The following KIAA1217 variants were observed in gnomAD, a reference collection of about 807,000 sequenced individuals.
The protein encoded by KIAA1217 is sickle tail protein homolog.
A neutral mutation model predicts 163.9 loss-of-function variants in KIAA1217; 88 were observed. The ratio of observed to expected loss-of-function variants is 0.54; its 90% confidence interval spans 0.45 to 0.64. The LOEUF is 0.64. KIAA1217 is among the 30% of genes least tolerant of loss of function. The pLI, the probability that KIAA1217 is intolerant of heterozygous loss-of-function variation, is 0.00. For missense variants in KIAA1217, 2,372 were observed against 2,475.0 expected (o/e 0.96, Z 0.88); for synonymous variants, 903 against 923.1 (o/e 0.98, Z 0.39).
At position 23,695,335 on chromosome 10, in the gene KIAA1217, A is replaced by G. The variant is rs912732111; in HGVS notation, c.-321+101A>G. The G allele has an allele frequency of 2.6e-5, 4 of 152,234 alleles. No homozygotes were observed. The highest frequency in any genetic ancestry group is 5.9e-5 in the Non-Finnish European group (4 of 68,076). The allele number at this position is 152,234 out of a possible 1,614,324, so 9.4% of individuals were successfully genotyped here. The stretch of plus-strand genomic sequence containing the variant: ...GGATAAGGAAACCGAGGGGAGACTT[A>G]CAAGGGAGCCTTGCGCGGGAGAGCA... On this transcript the variant is annotated intron_variant, in intron 1 of 18. Coordinates refer to the KIAA1217 transcript ENST00000376462. The surrounding 1 kb of genome is among the most constrained non-coding windows in gnomAD (Gnocchi z 4.9).
intron 1 of KIAA1217, among the ~76,000 whole-genome samples, chr10:23,934,618 T>G (rs1240146107): frequency 4.4e-5 from 4 of 91,758 alleles, no homozygotes; most frequent in Non-Finnish European, 7.5e-5. Flanking sequence ...TATATATATA[T>G]ATATATATTT....
At chr10:23,928,480 G>A (rs1843121586) in intron 1 of KIAA1217, among the ~76,000 whole-genome samples, 1 of 152,102 alleles carries the variant, frequency 6.6e-6, no homozygotes, top group African/African-American at 2.4e-5. Context: ...TTATATAAAT[G>A]TATATGGTCA....
chr10:24,426,501 G>C (rs1411715057), intron 3 of KIAA1217, among the ~76,000 whole-genome samples: 1 of 152,062 alleles, frequency 6.6e-6, no homozygotes, highest in East Asian at 1.9e-4. Context: ...GCATATACCT[G>C]TAGTCCCAGC....
chr10:24,323,118 TAA>T (rs35831396), intron 2 of KIAA1217, among the ~76,000 whole-genome samples: 46 of 148,642 alleles, frequency 3.1e-4, no homozygotes, highest in South Asian at 1.9e-3. Context: ...CCCAGCTAAT[TAA>T]AAAAAAAAAA....
At chr10:24,501,606 T>A in intron 9 of KIAA1217, 61 bp downstream of exon 9, 2 of 1,492,224 alleles carry the variant, frequency 1.3e-6, no homozygotes, top group Non-Finnish European at 1.8e-6. Context: ...ACCTTCCTTT[T>A]CCTAGGGGCT....
chr10:24,425,200 A>G (rs2059081972), intron 3 of KIAA1217, among the ~76,000 whole-genome samples: 1 of 152,214 alleles, frequency 6.6e-6, no homozygotes, highest in Non-Finnish European at 1.5e-5. Flanking sequence ...AAGATTATCA[A>G]ATCAAAACAT....
At chr10:23,974,998 A>G in intron 1 of KIAA1217, among the ~76,000 whole-genome samples, 1 of 151,992 alleles carries the variant, frequency 6.6e-6, no homozygotes. Flanking sequence ...TTTAGCAGCT[A>G]ATTTCAGAGT....
intron 2 of KIAA1217, among the ~76,000 whole-genome samples, chr10:24,311,837 G>C (rs1251015458): frequency 6.6e-6 from 1 of 152,124 alleles, no homozygotes; most frequent in Non-Finnish European, 1.5e-5. Flanking sequence ...GGGGCTTCTT[G>C]TAGGCTTGAA....
chr10:23,938,194 A>T (rs1462726253), intron 1 of KIAA1217, among the ~76,000 whole-genome samples: 1 of 152,210 alleles, frequency 6.6e-6, no homozygotes, highest in Non-Finnish European at 1.5e-5. Context: ...GACTTGGAAT[A>T]GTCGGTGTTT....
At chr10:24,006,581 C>G (rs1287060307) in intron 1 of KIAA1217, among the ~76,000 whole-genome samples, 2 of 152,180 alleles carry the variant, frequency 1.3e-5, no homozygotes, top group Admixed American at 6.5e-5. Context: ...CCAAAACCCT[C>G]CTCCACAGAA....
At chr10:23,954,171 T>C (rs567034617) in intron 1 of KIAA1217, among the ~76,000 whole-genome samples, 7 of 152,198 alleles carry the variant, frequency 4.6e-5, no homozygotes, top group Non-Finnish European at 7.3e-5. Flanking sequence ...CCATCTGAGC[T>C]TTCTTCTTCT....
chr10:24,314,820 T>C (rs897616504), intron 2 of KIAA1217, among the ~76,000 whole-genome samples: 2 of 152,062 alleles, frequency 1.3e-5, no homozygotes, highest in African/African-American at 4.8e-5. Context: ...GGCAGGCCCC[T>C]GTAGTCCCAG....
In KIAA1217 at chr10:24,546,264, C is replaced by A. The variant is rs1484270298; in HGVS notation, c.5772C>A (p.Tyr1924Ter). The change falls in exon 21 of 21, where the codon TAC becomes TAA. Residue 1924 changes from tyrosine (Y) to a stop codon, truncating the protein, a stop_gained. Transcript: ENST00000376454. LOFTEE classifies it high-confidence loss of function. ...TCCATACTCCCAGCCTCACCAGCTA[C>A]AAGGCACAGAATGGAAGTTCAAGCA... is the stretch of plus-strand genomic sequence containing the variant. ...RTIHTPSLTS[Y>*]KAQNGSSSKA... The A allele has an allele frequency of 6.2e-7, 1 of 1,613,990 alleles. No individual in the cohort carries two copies. Among genetic ancestry groups the A allele is most frequent in the East Asian group, 2.2e-5 (1 of 44,888 alleles).
intron 6 of KIAA1217, among the ~76,000 whole-genome samples, chr10:24,478,240 G>A (rs1425970413): frequency 2.0e-5 from 3 of 152,242 alleles, no homozygotes; most frequent in Non-Finnish European, 4.4e-5. Context: ...AAGACATCCA[G>A]TGGTAGCTTT....
chr10:24,280,731 A>G (rs956692114), intron 2 of KIAA1217, among the ~76,000 whole-genome samples: 2 of 150,922 alleles, frequency 1.3e-5, no homozygotes, highest in Non-Finnish European at 2.9e-5. Flanking sequence ...AATGCAGTGA[A>G]CCTGGGAGGC....
At chr10:24,000,009 T>C (rs1846667675) in intron 1 of KIAA1217, among the ~76,000 whole-genome samples, 1 of 152,178 alleles carries the variant, frequency 6.6e-6, no homozygotes, top group Non-Finnish European at 1.5e-5. Context: ...GAGCTTACAG[T>C]GAGCTGTGAT....
At chr10:24,255,197 G>C (rs550113664) in intron 2 of KIAA1217, 2 of 199,654 alleles carry the variant, frequency 1.0e-5, no homozygotes, top group East Asian at 3.4e-4. Flanking sequence ...AACCCACTGG[G>C]CCCAGTGAGA....
At chr10:24,482,455 C>G (rs2064837469) in intron 6 of KIAA1217, 1 of 152,206 alleles carries the variant, frequency 6.6e-6, no homozygotes. Flanking sequence ...ATGACAAAAT[C>G]AGCTTAATGC....
intron 2 of KIAA1217, among the ~76,000 whole-genome samples, chr10:24,264,178 A>G (rs1385469267): frequency 6.6e-6 from 1 of 152,286 alleles, no homozygotes; most frequent in East Asian, 1.9e-4. Context: ...CTCTAAATCC[A>G]TACAACGAGT....
Sources: gnomAD v4.1 joint callset for allele counts (sites outside exome capture counted in the v4.1 genomes callset) on GRCh38, gnomAD v4.1.1 for gene constraint, Gnocchi (gnomAD v3.1) non-coding constraint, MANE v1.5 for transcripts, NCBI Gene and HGNC (gene_info 2026-07-23, HGNC 2026-07-21) for gene names.